Variants in ADAMTSL1 observed in about 807,000 individuals in gnomAD.
ADAMTSL1 encodes the protein ADAMTS like 1.
ADAMTSL1 carries 126 observed loss-of-function variants against 201.8 expected under a neutral mutation model. The observed-to-expected ratio is 0.62, with a 90% confidence interval of 0.54 to 0.72. The LOEUF (loss-of-function observed/expected upper bound fraction) is 0.72. Ranked by LOEUF, ADAMTSL1 falls within the 30% of genes least tolerant of loss-of-function variation. ADAMTSL1 has a pLI of 0.00. For synonymous variants in ADAMTSL1, 1,121 were observed against 903.4 expected, an observed-to-expected ratio of 1.24 and a Z score of -4.32; for missense variants, 2,679 against 2,277.8, an observed-to-expected ratio of 1.18 and a Z score of -3.59.
rs530371236 is a variant in ADAMTSL1, at chr9:18,069,506, A to G, written c.88-94356A>G. Among the ~76,000 whole-genome samples the G allele has an allele frequency of 2.6e-5, 4 of 152,310 alleles. No homozygotes were observed. In the South Asian group the frequency reaches 8.3e-4, roughly 32 times the overall value. ...TTTGCAGCACACTCTGATATTGCCT[A>G]TTCTATTCTATTTCATATTGTTTTA... On this transcript the variant is annotated intron_variant, in intron 1 of 29. Coordinates refer to the ADAMTSL1 transcript ENST00000680146.
intron 14 of ADAMTSL1, among the ~76,000 whole-genome samples, chr9:18,717,774 G>GT (rs994124400): frequency 4.6e-5 from 7 of 152,170 alleles, no homozygotes; most frequent in Non-Finnish European, 1.0e-4. Flanking sequence ...TATTATATAA[G>GT]TAAAAATCTC....
At chr9:18,051,051 C>G (rs1436607225) in intron 1 of ADAMTSL1, among the ~76,000 whole-genome samples, 1 of 152,174 alleles carries the variant, frequency 6.6e-6, no homozygotes, top group East Asian at 1.9e-4. Context: ...CCTGTAATCC[C>G]AGCACTTTGG....
At chr9:18,327,540 T>C (rs1306495330) in intron 2 of ADAMTSL1, among the ~76,000 whole-genome samples, 2 of 152,222 alleles carry the variant, frequency 1.3e-5, no homozygotes, top group East Asian at 3.8e-4. Flanking sequence ...TCTCCTCATT[T>C]GTAGATGTAG....
chr9:18,784,684 A>G (rs1488179620), intron 19 of ADAMTSL1, among the ~76,000 whole-genome samples: 4 of 152,296 alleles, frequency 2.6e-5, no homozygotes, highest in East Asian at 3.9e-4. Context: ...CTCCCACCAC[A>G]TCCAGGCCAG....
chr9:18,368,894 A>C (rs1272916627), intron 2 of ADAMTSL1, among the ~76,000 whole-genome samples: 1 of 152,244 alleles, frequency 6.6e-6, no homozygotes, highest in Admixed American at 6.5e-5. Flanking sequence ...TTGTGAGGAA[A>C]GTATAAAACA....
chr9:18,029,147 T>G (rs1457301451), intron 1 of ADAMTSL1, among the ~76,000 whole-genome samples: 1 of 152,174 alleles, frequency 6.6e-6, no homozygotes, highest in Non-Finnish European at 1.5e-5. Context: ...CTTATCAGCT[T>G]AAGGAGATTT....
At chr9:18,352,194 T>C (rs1835996927) in intron 2 of ADAMTSL1, among the ~76,000 whole-genome samples, 1 of 152,206 alleles carries the variant, frequency 6.6e-6, no homozygotes, top group South Asian at 2.1e-4. Flanking sequence ...AAATAGCATA[T>C]ACTATAGATA....
intron 2 of ADAMTSL1, among the ~76,000 whole-genome samples, chr9:18,292,421 G>T (rs1378810668): frequency 6.6e-6 from 1 of 152,188 alleles, no homozygotes; most frequent in East Asian, 1.9e-4. Flanking sequence ...GGCCTGTGAT[G>T]ATTAATATTG....
At chr9:18,408,619 A>G (rs1221356073) in intron 2 of ADAMTSL1, among the ~76,000 whole-genome samples, 2 of 152,228 alleles carry the variant, frequency 1.3e-5, no homozygotes, top group Non-Finnish European at 2.9e-5. Context: ...GGCAGACCCT[A>G]CTGAAAATAT....
In ADAMTSL1 at chr9:18,829,746, G is replaced by A. The variant is rs1824855680; in HGVS notation, c.4115-97G>A. 2.8e-5 allele frequency: 41 copies of A among 1,472,996 alleles called. No homozygotes were observed. In the South Asian group the frequency reaches 4.0e-4, roughly 14 times the overall value. 91.2% of individuals were successfully genotyped at this position (1,472,996 alleles called of 1,614,324 possible). A position where few individuals can be genotyped will look rare whatever the true frequency, so the allele number is the denominator to read the frequency against. Reference sequence around the variant, plus strand: ...ATAGTAATGCCTATCTTACATATACGCATACATGTGCACACACATGCATAC... The same window carrying A: ...ATAGTAATGCCTATCTTACATATACACATACATGTGCACACACATGCATAC... On this transcript the variant is annotated intron_variant, in intron 22 of 28. Coordinates refer to ENST00000380548, the MANE Select transcript of ADAMTSL1 (RefSeq NM_001040272.6).
intron 1 of ADAMTSL1, among the ~76,000 whole-genome samples, chr9:18,483,719 C>T (rs953282170): frequency 3.9e-5 from 6 of 151,934 alleles, no homozygotes; most frequent in African/African-American, 1.2e-4. Flanking sequence ...CCCAGCTACT[C>T]GGGATGCTGA....
At chr9:18,507,922 C>T (rs983465966) in intron 2 of ADAMTSL1, among the ~76,000 whole-genome samples, 5 of 152,108 alleles carry the variant, frequency 3.3e-5, no homozygotes, top group Non-Finnish European at 5.9e-5. Context: ...CAGTGGCTCA[C>T]GCCTGTAATT....
At chr9:18,601,829 A>G (rs1824678798) in intron 4 of ADAMTSL1, among the ~76,000 whole-genome samples, 1 of 151,724 alleles carries the variant, frequency 6.6e-6, no homozygotes, top group Non-Finnish European at 1.5e-5. Flanking sequence ...TTCCATAGAT[A>G]TTATATATAT....
At chr9:18,872,814 T>A (rs1827942603) in intron 23 of ADAMTSL1, among the ~76,000 whole-genome samples, 1 of 152,206 alleles carries the variant, frequency 6.6e-6, no homozygotes. Flanking sequence ...TGCAAGTGTC[T>A]CTTTTTATAT....
At chr9:18,254,667 G>GGGGGGGGGGC in intron 2 of ADAMTSL1, among the ~76,000 whole-genome samples, 1 of 41,826 alleles carries the variant, frequency 2.4e-5, no homozygotes, top group African/African-American at 8.0e-5. Flanking sequence ...CTGCCCCCCC[G>GGGGGGGGGGC]CCCCCCCCAG....
At chr9:18,218,766 G>A (rs1428692423) in intron 2 of ADAMTSL1, among the ~76,000 whole-genome samples, 1 of 151,654 alleles carries the variant, frequency 6.6e-6, no homozygotes, top group Non-Finnish European at 1.5e-5. Context: ...AATTTTAATA[G>A]GTTGAATTTG....
At chr9:18,312,348 G>C (rs550112623) in intron 2 of ADAMTSL1, among the ~76,000 whole-genome samples, 33 of 152,344 alleles carry the variant, frequency 2.2e-4, no homozygotes, top group African/African-American at 7.7e-4. Flanking sequence ...AAGTGCTGGA[G>C]TTGATTTTAT....
intron 14 of ADAMTSL1, among the ~76,000 whole-genome samples, chr9:18,710,994 C>T (rs1376408728): frequency 6.6e-6 from 1 of 152,072 alleles, no homozygotes; most frequent in African/African-American, 2.4e-5. Flanking sequence ...CAATCACTAA[C>T]AGGCAAAAAT....
chr9:17,988,890 C>T (rs879621015), intron 1 of ADAMTSL1, among the ~76,000 whole-genome samples: 2 of 151,442 alleles, frequency 1.3e-5, no homozygotes, highest in South Asian at 2.1e-4. Context: ...TCATTATTGC[C>T]CCCTAAGGAG....
Sources: allele counts gnomAD v4.1 joint callset (sites outside exome capture counted in the v4.1 genomes callset), GRCh38; gene constraint gnomAD v4.1.1; transcripts MANE v1.5; gene names NCBI Gene and HGNC (gene_info 2026-07-23, HGNC 2026-07-21).